WNT3A: variants seen among roughly 807,000 people sequenced by gnomAD.
WNT3A encodes protein Wnt-3a.
A neutral mutation model predicts 37.0 loss-of-function variants in WNT3A; 17 were observed. That is an observed-to-expected ratio of 0.46 (90% CI 0.31 to 0.69). The LOEUF is 0.69. Among genes scored for constraint, WNT3A ranks in the 30% least tolerant of loss-of-function variants. The pLI is 0.05. For missense variants in WNT3A, 411 were observed against 510.2 expected (o/e 0.81, Z 1.87); for synonymous variants, 187 against 211.0 (o/e 0.89, Z 0.99).
intron 3 of WNT3A, among the ~76,000 whole-genome samples, chr1:228,055,182 ATATATATAT>A (rs2031657630): frequency 1.1e-4 from 3 of 26,106 alleles, no homozygotes; most frequent in African/African-American, 3.1e-4. Flanking sequence ...AAAAAAAAAT[ATATATATAT>A]ATATATATAT....
intron 1 of WNT3A, among the ~76,000 whole-genome samples, chr1:228,020,800 C>G (rs1168729769): frequency 6.6e-6 from 1 of 151,968 alleles, no homozygotes; most frequent in Non-Finnish European, 1.5e-5. Context: ...TGGGGTCTGG[C>G]GCGAGGTTAT....
chr1:228,021,461 G>T (rs933233872), intron 1 of WNT3A, among the ~76,000 whole-genome samples: 1 of 152,078 alleles, frequency 6.6e-6, no homozygotes, highest in Non-Finnish European at 1.5e-5. Flanking sequence ...GGATGCGGAG[G>T]GCCCCAGGAG....
rs2031202246 is a variant in WNT3A, at chr1:228,038,723, G to A, written c.314-11933G>A. 1.3e-5 allele frequency among the ~76,000 whole-genome samples: 2 copies of A among 152,204 alleles called. No homozygotes were observed. Among genetic ancestry groups the A allele is most frequent in the Admixed American group, 1.3e-4 (2 of 15,284 alleles). ...GGGTGTGGTAATCATACAGGGTGCA[G>A]CGTGCACGGGGGGCTGTGTTCGCTG... On this transcript the variant is annotated intron_variant, in intron 2 of 3. Transcript: ENST00000284523. The surrounding 1 kb of genome is among the most constrained non-coding windows in gnomAD (Gnocchi z 5.7).
rs534688492 is a variant in WNT3A, at chr1:228,025,435, A to T, written c.313+2527A>T. On this transcript the variant is annotated intron_variant, in intron 2 of 3. Transcript: ENST00000284523. ...ATGATCACGGCTCATTGCAGCCTTG[A>T]CCTTCCAGGTTCAAGCGATCCTCCT... Among the ~76,000 whole-genome samples the T allele has an allele frequency of 2.0e-5, 3 of 151,616 alleles. No homozygotes were observed. The South Asian group carries it at 6.3e-4, about 32-fold the overall frequency.
At chr1:228,009,108 C>G (rs909057114) in intron 1 of WNT3A, among the ~76,000 whole-genome samples, 16 of 152,122 alleles carry the variant, frequency 1.1e-4, no homozygotes, top group Non-Finnish European at 1.8e-4. Context: ...AGGACCCCTC[C>G]CCCATCCCCA....
chr1:228,010,761 G>A (rs529053626), intron 1 of WNT3A, among the ~76,000 whole-genome samples: 1 of 152,222 alleles, frequency 6.6e-6, no homozygotes, highest in Non-Finnish European at 1.5e-5. Context: ...CCACAGCCTC[G>A]CTCATGCTCC....
chr1:228,046,537 GGTGT>G (rs143812658), intron 2 of WNT3A, among the ~76,000 whole-genome samples: 2 of 150,378 alleles, frequency 1.3e-5, no homozygotes, highest in African/African-American at 2.5e-5. Context: ...TGTGTTGTGT[GGTGT>G]GTGTGTGTAT....
intron 2 of WNT3A, among the ~76,000 whole-genome samples, chr1:228,036,956 C>A (rs1558290260): frequency 6.6e-6 from 1 of 152,166 alleles, no homozygotes; most frequent in Non-Finnish European, 1.5e-5. Context: ...GGCCTGGAGC[C>A]TAGGGATGCC....
rs2030985399 is a variant in WNT3A at position 228,030,900 on chromosome 1, C to T, written c.313+7992C>T. 1.3e-5 allele frequency among the ~76,000 whole-genome samples: 2 copies of T among 152,260 alleles called. 1 individual carries two copies. The highest frequency in any genetic ancestry group is 4.1e-4 in the South Asian group (2 of 4,832). On this transcript the variant is annotated intron_variant, in intron 2 of 3. Coordinates refer to ENST00000284523, the MANE Select transcript of WNT3A (RefSeq NM_033131.4). Reference sequence around the variant, plus strand: ...AAGGACAGCATGGCCTTGCTCAGCCCCTGCAGCCAAATGCGAAGGAAGACC... The same window carrying T: ...AAGGACAGCATGGCCTTGCTCAGCCTCTGCAGCCAAATGCGAAGGAAGACC...
At chr1:228,053,582 T>C (rs573753491) in intron 3 of WNT3A, among the ~76,000 whole-genome samples, 1 of 151,988 alleles carries the variant, frequency 6.6e-6, no homozygotes, top group East Asian at 1.9e-4. Flanking sequence ...CACTCACATA[T>C]GCAGCAAATG....
chr1:228,057,692 A>G (rs1374895077), intron 3 of WNT3A, among the ~76,000 whole-genome samples: 2 of 152,210 alleles, frequency 1.3e-5, no homozygotes, highest in Non-Finnish European at 1.5e-5. Flanking sequence ...CTTAGATTAG[A>G]ACTGTCCAAT....
rs1176500472 is a variant in WNT3A, at chr1:228,031,167, A to G, written c.313+8259A>G. 1.3e-5 allele frequency among the ~76,000 whole-genome samples: 2 copies of G among 152,244 alleles called. No individual in the cohort carries two copies. The highest frequency in any genetic ancestry group is 2.9e-5 in the Non-Finnish European group (2 of 68,038). On this transcript the variant is annotated intron_variant, in intron 2 of 3. Transcript: ENST00000284523. The surrounding 1 kb of genome is among the most constrained non-coding windows in gnomAD (Gnocchi z 4.8). The stretch of plus-strand genomic sequence containing the variant: ...GGCAGAGAGTGGGGACCCGAGGGTC[A>G]GGCTCAGAGTCCGGGCACTGGTCAC...
intron 2 of WNT3A, among the ~76,000 whole-genome samples, chr1:228,043,901 C>T (rs2031344296): frequency 6.6e-6 from 1 of 152,194 alleles, no homozygotes; most frequent in South Asian, 2.1e-4. Context: ...TCTCCTGCCG[C>T]TGTGCCTGCC....
chr1:228,030,968 G>C (rs1350219462), intron 2 of WNT3A, among the ~76,000 whole-genome samples: 1 of 152,224 alleles, frequency 6.6e-6, no homozygotes. Context: ...GGGGGGCCTG[G>C]CATGTGCACT....
chr1:228,025,955 C>T (rs1320815209), intron 2 of WNT3A, among the ~76,000 whole-genome samples: 1 of 149,666 alleles, frequency 6.7e-6, no homozygotes, highest in Non-Finnish European at 1.5e-5. Flanking sequence ...ATGGAGGTCT[C>T]CCTATGTTGC....
At chr1:228,051,609 G>A (rs1027574151) in intron 3 of WNT3A, among the ~76,000 whole-genome samples, 1 of 152,200 alleles carries the variant, frequency 6.6e-6, no homozygotes, top group Non-Finnish European at 1.5e-5. Flanking sequence ...CCTCATGGAT[G>A]ATGCCTTCTG....
At chr1:228,023,251 G>A (rs986503858) in intron 2 of WNT3A, among the ~76,000 whole-genome samples, 1 of 152,136 alleles carries the variant, frequency 6.6e-6, no homozygotes, top group Non-Finnish European at 1.5e-5. Flanking sequence ...GAAGGGAGAG[G>A]TTTGGGGGCA....
intron 2 of WNT3A, among the ~76,000 whole-genome samples, chr1:228,044,188 T>G (rs1226897941): frequency 6.6e-6 from 1 of 152,174 alleles, no homozygotes; most frequent in Non-Finnish European, 1.5e-5. Context: ...GGTCTTGCTA[T>G]GTTGCCCAGG....
At chr1:228,052,677 G>C (rs2031580768) in intron 3 of WNT3A, among the ~76,000 whole-genome samples, 1 of 152,162 alleles carries the variant, frequency 6.6e-6, no homozygotes, top group South Asian at 2.1e-4. Context: ...GAGTGAACAG[G>C]GGATATTCAC....
Sources: allele counts gnomAD v4.1 joint callset (sites outside exome capture counted in the v4.1 genomes callset), GRCh38; gene constraint gnomAD v4.1.1; non-coding constraint Gnocchi (gnomAD v3.1); transcripts MANE v1.5; gene names NCBI Gene and HGNC (gene_info 2026-07-23, HGNC 2026-07-21).